The following PFKM variants were observed in gnomAD, a reference collection of about 807,000 sequenced individuals.
PFKM encodes phosphofructokinase, muscle, also known as ATP-dependent 6-phosphofructokinase, muscle type.
PFKM carries 58 observed loss-of-function variants against 95.5 expected under a neutral mutation model. The observed-to-expected ratio is 0.61, with a 90% CI of 0.49 to 0.76. The LOEUF (loss-of-function observed/expected upper bound fraction) is 0.76, where lower values mean the gene tolerates loss of function less well. PFKM is among the 30% of genes least tolerant of loss of function. The pLI, the probability that PFKM is intolerant of heterozygous loss-of-function variation, is 0.00. For missense variants in PFKM, 678 were observed against 1,005.4 expected (o/e 0.67, Z 4.40); for synonymous variants, 336 against 357.2 (o/e 0.94, Z 0.67).
In PFKM at chr12:48,145,731, A is replaced by AGAT. The variant is rs1950994146; in HGVS notation, c.*24_*26dup. The AGAT allele has an allele frequency of 6.2e-7, 1 of 1,612,638 alleles. No individual in the cohort carries two copies. The highest frequency in any genetic ancestry group is 8.5e-7 in the Non-Finnish European group (1 of 1,178,814). On this transcript the variant is annotated 3_prime_UTR_variant, in exon 23 of 23. Coordinates refer to ENST00000359794, the MANE Select transcript of PFKM (RefSeq NM_000289.6). This position sits in a 1 kb window ranked among gnomAD's most constrained non-coding sequence, Gnocchi z 4.3. ...TAAACCTCTCTGGAGTGAGGGGAAT[A>AGAT]GATTACCTGATCATGGTCAGCTCAC...
chr12:48,128,445 C>G (rs1018511829), intron 2 of PFKM, among the ~76,000 whole-genome samples: 1 of 152,118 alleles, frequency 6.6e-6, no homozygotes, highest in African/African-American at 2.4e-5. Flanking sequence ...TTGTAATTCT[C>G]CACATGTCTT....
At chr12:48,118,770 A>G (rs1056889064), upstream of PFKM, among the ~76,000 whole-genome samples, 5 of 152,204 alleles carry the variant, frequency 3.3e-5, no homozygotes, top group African/African-American at 9.7e-5. Context: ...TTTCATTCCA[A>G]ATAGCTAGCT....
intron 2 of PFKM, among the ~76,000 whole-genome samples, chr12:48,129,103 A>G (rs888860270): frequency 2.0e-5 from 3 of 151,580 alleles, no homozygotes; most frequent in African/African-American, 7.3e-5. Context: ...AGTTCTTTTC[A>G]CTGAGCAGCT....
Position 48,145,827 on chromosome 12 carries a change from T to C in PFKM, c.*119T>C. 2 of 1,164,574 alleles carry C rather than the reference T, an allele frequency of 1.7e-6. No homozygotes were observed. The highest frequency in any genetic ancestry group is 2.5e-6 in the Non-Finnish European group (2 of 792,730). The allele number at this position is 1,164,574 out of a possible 1,614,324, so 72.1% of individuals were successfully genotyped here. A position where few individuals can be genotyped will look rare whatever the true frequency, so the allele number is the denominator to read the frequency against. On this transcript the variant is annotated 3_prime_UTR_variant, in exon 23 of 23. Transcript: ENST00000359794. This position sits in a 1 kb window ranked among gnomAD's most constrained non-coding sequence, Gnocchi z 4.3. Reference sequence around the variant, plus strand: ...ATTAGGTTTCCTTTTATTCTGTACCTTGCAGCCATGACCAGTTCTGGCCAG... The same window carrying C: ...ATTAGGTTTCCTTTTATTCTGTACCCTGCAGCCATGACCAGTTCTGGCCAG...
At position 48,145,600 on chromosome 12, in the gene PFKM, G is replaced by A. The variant is rs1403289769; in HGVS notation, c.2235G>A (p.Leu745=). The change falls in exon 23 of 23, where the codon CTG becomes CTA. Residue 745 remains leucine, a synonymous_variant. Coordinates refer to ENST00000359794, the MANE Select transcript of PFKM (RefSeq NM_000289.6). This position sits in a 1 kb window ranked among gnomAD's most constrained non-coding sequence, Gnocchi z 4.3. ...RIPKEQWWLK[L]RPILKILAKY... is the part of the protein sequence containing the mutation. ...CCAAGGAACAGTGGTGGCTGAAACT[G>A]AGGCCCATCCTCAAAATCCTAGCCA... The A allele has an allele frequency of 6.2e-7, 1 of 1,614,078 alleles. No homozygotes were observed. The highest frequency in any genetic ancestry group is 8.5e-7 in the Non-Finnish European group (1 of 1,180,016).
chr12:48,134,735 T>C lies in PFKM; in HGVS notation c.653T>C (p.Val218Ala), dbSNP rs1205770849. 6.2e-7 allele frequency: 1 copy of C among 1,613,438 alleles called. No homozygotes were observed. The highest frequency in any genetic ancestry group is 1.7e-5 in the Admixed American group (1 of 60,030). ...TCTCATCTCAGATACCTGGCCCTTG[T>C]CACCTCTCTGTCCTGTGGGGCCGAC... is the stretch of plus-strand genomic sequence containing the variant. ...MGRHCGYLAL[V>A]TSLSCGADWV... is the part of the protein sequence containing the mutation. Residue 218 changes from valine to alanine, a missense_variant, in exon 8 of 23, where the codon GTC becomes GCC. Transcript: ENST00000359794.
At chr12:48,112,757 G>C (rs948646109) in intron 3 of PFKM, among the ~76,000 whole-genome samples, 68 of 151,702 alleles carry the variant, frequency 4.5e-4, no homozygotes, top group African/African-American at 1.6e-3. Context: ...AGGCTTGTCT[G>C]GTTTTTGGAT....
chr12:48,143,863 G>T, intron 19 of PFKM, 49 bp downstream of exon 19: 1 of 1,462,990 alleles, frequency 6.8e-7, no homozygotes, highest in Non-Finnish European at 9.6e-7. Flanking sequence ...AATAAGCTTT[G>T]GCTCAAACCC....
chr12:48,107,540 G>GT (rs1946794821), intron 2 of PFKM: 3 of 856,600 alleles, frequency 3.5e-6, no homozygotes, highest in African/African-American at 1.7e-5. Context: ...AGGCTTTCTA[G>GT]TGTAAATACG....
chr12:48,110,261 G>A (rs1947063941), intron 3 of PFKM, among the ~76,000 whole-genome samples: 1 of 152,148 alleles, frequency 6.6e-6, no homozygotes, highest in African/African-American at 2.4e-5. Context: ...GATGATGGGA[G>A]GAATAGCGGG....
upstream of PFKM, chr12:48,118,431 T>A: frequency 1.1e-6 from 1 of 916,284 alleles, no homozygotes. Flanking sequence ...TTTTGTGTAG[T>A]CAAATGGGGT....
chr12:48,135,293 G>A lies in PFKM; in HGVS notation c.846G>A (p.Leu282=), dbSNP rs1310081048. 8.1e-6 allele frequency: 13 copies of A among 1,613,478 alleles called. No homozygotes were observed. The highest frequency in any genetic ancestry group is 1.1e-5 in the Non-Finnish European group (13 of 1,179,396). ...TGTCCCTCTGTTGGTCCCTTCAGCTGGTGGTTAAGCGTCTGGGATATGACA... is the reference window on the plus strand; with the variant it reads ...TGTCCCTCTGTTGGTCCCTTCAGCTAGTGGTTAAGCGTCTGGGATATGACA... ...KPITSEDIKN[L]VVKRLGYDTR... is the part of the protein sequence containing the mutation. Residue 282 remains leucine (L), a splice_region_variant and synonymous_variant, in exon 10 of 23, where the codon CTG becomes CTA. Coordinates refer to ENST00000359794, the MANE Select transcript of PFKM (RefSeq NM_000289.6).
intron 3 of PFKM, among the ~76,000 whole-genome samples, chr12:48,113,241 C>A (rs1209610174): frequency 6.6e-6 from 1 of 152,122 alleles, no homozygotes; most frequent in Non-Finnish European, 1.5e-5. Context: ...GTTATGGAGA[C>A]AAGGGAAGCT....
chr12:48,113,621 G>A (rs888279708), intron 3 of PFKM, among the ~76,000 whole-genome samples: 2 of 152,246 alleles, frequency 1.3e-5, no homozygotes, highest in African/African-American at 4.8e-5. Flanking sequence ...GGCGGTCCTG[G>A]AGGAACACCT....
At chr12:48,114,412 G>T (rs1016881938), upstream of PFKM, among the ~76,000 whole-genome samples, 1 of 152,174 alleles carries the variant, frequency 6.6e-6, no homozygotes, top group African/African-American at 2.4e-5. Context: ...TTTTGGGCAG[G>T]TGGGGGAGAG....
At chr12:48,144,462 G>A (rs1412362507) in intron 20 of PFKM, among the ~76,000 whole-genome samples, 1 of 152,126 alleles carries the variant, frequency 6.6e-6, no homozygotes, top group Non-Finnish European at 1.5e-5. Context: ...GCTGTTCTAT[G>A]CACTGTAGGA....
chr12:48,141,791 T>C lies in PFKM; in HGVS notation c.1464T>C (p.Phe488=), dbSNP rs374814413. 23 of 1,613,908 alleles carry C rather than the reference T, an allele frequency of 1.4e-5. No homozygotes were observed. The highest frequency in any genetic ancestry group is 1.9e-5 in the Non-Finnish European group (23 of 1,179,922). ...AGATCAGTGCCAATATAACTAAGTT[T>C]AACATTCAGGGCCTTGTCATCATTG... The part of the protein sequence containing the change: ...FEQISANITK[F]NIQGLVIIGG... The change falls in exon 16 of 23, where the codon TTT becomes TTC. Residue 488 remains phenylalanine (F), a synonymous_variant. Coordinates refer to ENST00000359794, the MANE Select transcript of PFKM (RefSeq NM_000289.6).
rs1032460711 is a variant in PFKM at position 48,122,780 on chromosome 12, C to G, written c.6C>G (p.Thr2=). The G allele has an allele frequency of 1.2e-6, 2 of 1,613,938 alleles. No homozygotes were observed. The highest frequency in any genetic ancestry group is 1.3e-5 in the African/African-American group (1 of 75,014). ...CTTAAATTCTAGAGTGGATCATGAC[C>G]CATGAAGAGCACCATGCAGCCAAAA... M[T]HEEHHAAKTL... is the part of the protein sequence containing the mutation. Residue 2 remains threonine (T), a synonymous_variant, in exon 2 of 23, where the codon ACC becomes ACG. Transcript: ENST00000359794.
At chr12:48,130,465 T>C in intron 3 of PFKM, 29 bp downstream of exon 3, 1 of 1,495,060 alleles carries the variant, frequency 6.7e-7, no homozygotes, top group South Asian at 1.1e-5. Flanking sequence ...TCTTCATCAT[T>C]CTTTCTCTGT....
Sources: gnomAD v4.1 joint callset for allele counts (sites outside exome capture counted in the v4.1 genomes callset) on GRCh38, gnomAD v4.1.1 for gene constraint, Gnocchi (gnomAD v3.1) non-coding constraint, MANE v1.5 for transcripts, NCBI Gene and HGNC (gene_info 2026-07-23, HGNC 2026-07-21) for gene names.